The following PPP3CA variants were observed in gnomAD, a reference collection of about 807,000 sequenced individuals.
PPP3CA encodes protein phosphatase 3 catalytic subunit alpha.
PPP3CA carries 14 observed loss-of-function variants against 66.5 expected under a neutral mutation model. The observed-to-expected ratio is 0.21, with a 90% CI of 0.14 to 0.33. PPP3CA has a LOEUF of 0.33. Among genes scored for constraint, PPP3CA ranks in the 10% least tolerant of loss-of-function variants. The pLI, the probability that PPP3CA is intolerant of heterozygous loss-of-function variation, is 1.00. For missense variants in PPP3CA, 317 were observed against 639.5 expected (o/e 0.50, Z 5.44); for synonymous variants, 232 against 226.2 (o/e 1.03, Z -0.23).
intron 2 of PPP3CA, among the ~76,000 whole-genome samples, chr4:101,187,056 C>A (rs376473429): frequency 1.3e-5 from 2 of 152,088 alleles, no homozygotes; most frequent in East Asian, 1.9e-4. Context: ...GAATATCCTG[C>A]TGAGTGGTAC....
intron 2 of PPP3CA, among the ~76,000 whole-genome samples, chr4:101,145,341 T>C (rs1722935994): frequency 6.6e-6 from 1 of 152,154 alleles, no homozygotes; most frequent in Admixed American, 6.5e-5. Flanking sequence ...TGTACTCTCA[T>C]GTTTATTGCA....
intron 1 of PPP3CA, among the ~76,000 whole-genome samples, chr4:101,256,542 C>T (rs753690758): frequency 4.6e-5 from 7 of 152,016 alleles, no homozygotes; most frequent in South Asian, 2.1e-4. Context: ...TGCCTGCTCA[C>T]TACTGTTAGT....
At chr4:101,033,386 A>G (rs1322624990) in intron 11 of PPP3CA, among the ~76,000 whole-genome samples, 1 of 151,888 alleles carries the variant, frequency 6.6e-6, no homozygotes, top group East Asian at 1.9e-4. Flanking sequence ...AAGGTGTCTC[A>G]CGTGACTCAA....
intron 2 of PPP3CA, among the ~76,000 whole-genome samples, chr4:101,187,521 T>C (rs373818180): frequency 6.6e-6 from 1 of 152,174 alleles, no homozygotes; most frequent in African/African-American, 2.4e-5. Context: ...ACCTTTGATA[T>C]ATATTTAATA....
At position 101,154,363 on chromosome 4, in the gene PPP3CA, A is replaced by G. The variant is rs1578500644; in HGVS notation, c.259+41553T>C. 2.0e-5 allele frequency among the ~76,000 whole-genome samples: 3 copies of G among 152,376 alleles called. 1 individual carries two copies. The highest frequency in any genetic ancestry group is 6.8e-3 in the Middle Eastern group (2 of 294). On this transcript the variant is annotated intron_variant, in intron 2 of 13. Transcript: ENST00000394854. Reference sequence around the variant, plus strand: ...TAACAGAATTCTGACTAGTAAATTTATAAACAGTATCAAAATTTAAAATTA... The same window carrying G: ...TAACAGAATTCTGACTAGTAAATTTGTAAACAGTATCAAAATTTAAAATTA...
intron 2 of PPP3CA, among the ~76,000 whole-genome samples, chr4:101,126,140 T>C (rs1722238994): frequency 6.6e-6 from 1 of 152,210 alleles, no homozygotes; most frequent in African/African-American, 2.4e-5. Flanking sequence ...CTGTGAAAGG[T>C]CAAATCTTAC....
intron 8 of PPP3CA, among the ~76,000 whole-genome samples, chr4:101,068,844 C>G (rs781011924): frequency 1.3e-5 from 2 of 152,114 alleles, no homozygotes; most frequent in South Asian, 4.1e-4. Context: ...ATAACTTTTA[C>G]TCTTTAGATC....
intron 1 of PPP3CA, among the ~76,000 whole-genome samples, chr4:101,281,867 T>C (rs549673824): frequency 2.0e-4 from 30 of 152,322 alleles, no homozygotes; most frequent in African/African-American, 6.7e-4. Context: ...TTGCTAGTTA[T>C]TGAGGGTCTT....
At chr4:101,138,417 C>G (rs1337307456) in intron 2 of PPP3CA, among the ~76,000 whole-genome samples, 1 of 152,158 alleles carries the variant, frequency 6.6e-6, no homozygotes, top group Non-Finnish European at 1.5e-5. Context: ...AGCACATTAG[C>G]TGAAACATAG....
At chr4:101,036,578 A>T in intron 11 of PPP3CA, among the ~76,000 whole-genome samples, 1 of 150,982 alleles carries the variant, frequency 6.6e-6, no homozygotes, top group South Asian at 2.1e-4. Context: ...CGCCCAGCTA[A>T]TTTTTTTGTA....
chr4:101,146,564 T>C (rs1398110329), intron 2 of PPP3CA, among the ~76,000 whole-genome samples: 1 of 151,968 alleles, frequency 6.6e-6, no homozygotes, highest in Non-Finnish European at 1.5e-5. Flanking sequence ...TGCCTCAGCC[T>C]CCCAAGTAGC....
At chr4:101,063,710 C>G (rs1170300012) in intron 8 of PPP3CA, among the ~76,000 whole-genome samples, 1 of 151,892 alleles carries the variant, frequency 6.6e-6, no homozygotes, top group Non-Finnish European at 1.5e-5. Flanking sequence ...AGTGGCACAG[C>G]TAAGTTTGAC....
intron 11 of PPP3CA, among the ~76,000 whole-genome samples, chr4:101,039,211 G>A (rs1169005648): frequency 6.9e-6 from 1 of 144,178 alleles, no homozygotes; most frequent in Non-Finnish European, 1.6e-5. Context: ...TCTTTGCCTT[G>A]AACTCCCTTA....
chr4:101,290,283 C>G (rs1727981633), intron 1 of PPP3CA, among the ~76,000 whole-genome samples: 3 of 152,180 alleles, frequency 2.0e-5, no homozygotes, highest in African/African-American at 7.2e-5. Flanking sequence ...TTGACTTTAT[C>G]TGGTGCAGTC....
At chr4:101,294,194 T>C (rs1052788207) in intron 1 of PPP3CA, among the ~76,000 whole-genome samples, 2 of 152,228 alleles carry the variant, frequency 1.3e-5, no homozygotes, top group Admixed American at 6.5e-5. Flanking sequence ...ATAATAAGAA[T>C]CACTTATATT....
intron 1 of PPP3CA, among the ~76,000 whole-genome samples, chr4:101,234,496 C>G (rs1560672607): frequency 6.6e-6 from 1 of 151,588 alleles, no homozygotes; most frequent in African/African-American, 2.4e-5. Context: ...TGATATTGAG[C>G]TTTTTTTCAT....
intron 3 of PPP3CA, among the ~76,000 whole-genome samples, chr4:101,103,953 C>T (rs1730550533): frequency 6.6e-6 from 1 of 152,170 alleles, no homozygotes; most frequent in Admixed American, 6.5e-5. Flanking sequence ...TTACCTCTTT[C>T]ATCACTACTC....
chr4:101,203,573 C>T (rs1050098323), intron 1 of PPP3CA, among the ~76,000 whole-genome samples: 1 of 152,158 alleles, frequency 6.6e-6, no homozygotes, highest in Non-Finnish European at 1.5e-5. Flanking sequence ...AGTACCTGAG[C>T]AGGACAGAGC....
intron 1 of PPP3CA, among the ~76,000 whole-genome samples, chr4:101,261,831 ATG>A (rs1186487041): frequency 6.6e-6 from 1 of 151,906 alleles, no homozygotes; most frequent in Non-Finnish European, 1.5e-5. Context: ...CTTACAGTCA[ATG>A]TGTGTTTTAA....
Sources: gnomAD v4.1 joint callset for allele counts (sites outside exome capture counted in the v4.1 genomes callset) on GRCh38, gnomAD v4.1.1 for gene constraint, MANE v1.5 for transcripts, NCBI Gene and HGNC (gene_info 2026-07-23, HGNC 2026-07-21) for gene names.